DLGAP1: variants seen among roughly 807,000 people sequenced by gnomAD.
DLGAP1 encodes DLG associated protein 1, also known as disks large-associated protein 1.
A neutral mutation model predicts 90.8 loss-of-function variants in DLGAP1; 11 were observed. That is an observed-to-expected ratio of 0.12 (90% CI 0.08 to 0.20). The LOEUF is 0.20. Ranked by LOEUF, DLGAP1 falls within the 10% of genes least tolerant of loss-of-function variation. The pLI, the probability that DLGAP1 is intolerant of heterozygous loss-of-function variation, is 1.00. For missense variants in DLGAP1, 1,050 were observed against 1,333.8 expected, an observed-to-expected ratio of 0.79 and a Z score of 3.31; for synonymous variants, 558 against 540.7, an observed-to-expected ratio of 1.03 and a Z score of -0.44.
intron 2 of DLGAP1, among the ~76,000 whole-genome samples, chr18:4,107,450 A>G (rs893532565): frequency 6.6e-6 from 1 of 151,378 alleles, no homozygotes; most frequent in Non-Finnish European, 1.5e-5. Flanking sequence ...CTGCTTCCCA[A>G]TGTACTTGTT....
chr18:4,285,456 T>C (rs2079664510), intron 1 of DLGAP1, among the ~76,000 whole-genome samples: 1 of 152,194 alleles, frequency 6.6e-6, no homozygotes, highest in Admixed American at 6.5e-5. Flanking sequence ...GAGGAGAATG[T>C]TCAAGAACAT....
At chr18:4,425,120 A>G (rs1244599036) in intron 1 of DLGAP1, among the ~76,000 whole-genome samples, 3 of 151,962 alleles carry the variant, frequency 2.0e-5, no homozygotes, top group African/African-American at 7.3e-5. Flanking sequence ...CATTGTTGTC[A>G]TTTCTTGAAG....
At chr18:4,194,283 T>A (rs1215372587) in intron 1 of DLGAP1, among the ~76,000 whole-genome samples, 1 of 152,188 alleles carries the variant, frequency 6.6e-6, no homozygotes, top group Non-Finnish European at 1.5e-5. Context: ...CTGCGTTAAT[T>A]TCTTTAGGAT....
At chr18:4,110,733 CCTT>C (rs1453961804) in intron 2 of DLGAP1, among the ~76,000 whole-genome samples, 1 of 152,022 alleles carries the variant, frequency 6.6e-6, no homozygotes, top group East Asian at 1.9e-4. Context: ...AAATTTTACT[CCTT>C]ATTTTTTATT....
chr18:4,115,884 A>G (rs2076056550), intron 2 of DLGAP1, among the ~76,000 whole-genome samples: 1 of 152,156 alleles, frequency 6.6e-6, no homozygotes, highest in South Asian at 2.1e-4. Flanking sequence ...TGATACACAT[A>G]TTTTTGTGCA....
chr18:4,108,257 CCAAA>C (rs977089774), intron 2 of DLGAP1, among the ~76,000 whole-genome samples: 5 of 152,260 alleles, frequency 3.3e-5, no homozygotes, highest in African/African-American at 9.6e-5. Context: ...CATGAAGAAT[CCAAA>C]CAGACAGGCC....
chr18:3,730,511 A>G (rs1046095201), intron 6 of DLGAP1, among the ~76,000 whole-genome samples: 1 of 152,156 alleles, frequency 6.6e-6, no homozygotes, highest in African/African-American at 2.4e-5. Context: ...GACTTGCTAG[A>G]GATTTGGGAG....
At chr18:3,833,664 C>T (rs1340085721) in intron 4 of DLGAP1, among the ~76,000 whole-genome samples, 8 of 152,128 alleles carry the variant, frequency 5.3e-5, no homozygotes, top group East Asian at 1.9e-4. Flanking sequence ...ATTTCTAGCA[C>T]GTGTGATCAA....
At chr18:3,715,728 C>T (rs180752026) in intron 7 of DLGAP1, among the ~76,000 whole-genome samples, 31 of 152,180 alleles carry the variant, frequency 2.0e-4, no homozygotes, top group Admixed American at 6.5e-5. Context: ...AACACAGGTA[C>T]AACTGAAAGC....
At chr18:4,361,393 G>A (rs1422492577) in intron 1 of DLGAP1, among the ~76,000 whole-genome samples, 1 of 152,034 alleles carries the variant, frequency 6.6e-6, no homozygotes, top group Non-Finnish European at 1.5e-5. Context: ...TGTGGTACTG[G>A]CATAAAGACA....
chr18:4,208,139 C>T (rs2077759500), intron 1 of DLGAP1, among the ~76,000 whole-genome samples: 1 of 152,138 alleles, frequency 6.6e-6, no homozygotes, highest in Non-Finnish European at 1.5e-5. Context: ...ATACAACAAT[C>T]AGAGAGGAAA....
chr18:4,220,622 A>G (rs1568457823), intron 1 of DLGAP1, among the ~76,000 whole-genome samples: 1 of 152,130 alleles, frequency 6.6e-6, no homozygotes. Flanking sequence ...TCAAGCTTGG[A>G]CAAATTCCTT....
At chr18:4,377,018 A>T (rs952437964) in intron 1 of DLGAP1, among the ~76,000 whole-genome samples, 1 of 152,198 alleles carries the variant, frequency 6.6e-6, no homozygotes, top group African/African-American at 2.4e-5. Context: ...CCAGTGATTG[A>T]ATAGAAAGAA....
intron 10 of DLGAP1, among the ~76,000 whole-genome samples, chr18:3,510,660 G>A (rs1400776927): frequency 6.6e-6 from 1 of 152,172 alleles, no homozygotes; most frequent in South Asian, 2.1e-4. Flanking sequence ...AATGAATCCT[G>A]GGAGGTTATG....
intron 7 of DLGAP1, among the ~76,000 whole-genome samples, chr18:3,610,412 TTC>T: frequency 6.6e-6 from 1 of 152,188 alleles, no homozygotes; most frequent in Non-Finnish European, 1.5e-5. Context: ...CTACCTTCTG[TTC>T]TCTCTGAGGA....
intron 4 of DLGAP1, among the ~76,000 whole-genome samples, chr18:3,864,399 T>C (rs994270918): frequency 6.6e-6 from 1 of 152,214 alleles, no homozygotes; most frequent in African/African-American, 2.4e-5. Flanking sequence ...AATATTTCAT[T>C]CTTATGCATG....
intron 2 of DLGAP1, among the ~76,000 whole-genome samples, chr18:4,016,091 A>T (rs2074519157): frequency 6.6e-6 from 1 of 152,244 alleles, no homozygotes; most frequent in Non-Finnish European, 1.5e-5. Context: ...ATCTAACTAC[A>T]GTTCAAGCCT....
intron 1 of DLGAP1, among the ~76,000 whole-genome samples, chr18:4,250,895 AACTTAAGTCAGCT>A (rs1323545810): frequency 6.6e-6 from 1 of 152,184 alleles, no homozygotes; most frequent in Non-Finnish European, 1.5e-5. Context: ...ATAACCATGT[AACTTAAGTCAGCT>A]ACTATATTCA....
chr18:3,789,111 T>C (rs961149717), intron 5 of DLGAP1, among the ~76,000 whole-genome samples: 31 of 152,344 alleles, frequency 2.0e-4, no homozygotes, highest in African/African-American at 6.7e-4. Flanking sequence ...TAGTCCTTGA[T>C]TGAGCCCTCG....
Sources: gnomAD v4.1 joint callset for allele counts (sites outside exome capture counted in the v4.1 genomes callset) on GRCh38, gnomAD v4.1.1 for gene constraint, MANE v1.5 for transcripts, NCBI Gene and HGNC (gene_info 2026-07-23, HGNC 2026-07-21) for gene names.